The following KCNMB4 variants were observed in gnomAD, a reference collection of about 807,000 sequenced individuals.
KCNMB4 encodes calcium-activated potassium channel subunit beta-4.
A neutral mutation model predicts 20.7 loss-of-function variants in KCNMB4; 3 were observed. The observed-to-expected ratio is 0.14, with a 90% CI of 0.07 to 0.37. The LOEUF (loss-of-function observed/expected upper bound fraction) is 0.37, where lower values mean the gene tolerates loss of function less well. Ranked by LOEUF, KCNMB4 falls within the 10% of genes least tolerant of loss-of-function variation. The pLI, the probability that KCNMB4 is intolerant of heterozygous loss-of-function variation, is 1.00. For synonymous variants in KCNMB4, 110 were observed against 113.4 expected (o/e 0.97, Z 0.19); for missense variants, 168 against 265.9 (o/e 0.63, Z 2.56).
intron 2 of KCNMB4, among the ~76,000 whole-genome samples, chr12:70,426,594 GTAAA>G (rs1432927347): frequency 3.9e-5 from 6 of 152,122 alleles, no homozygotes; most frequent in African/African-American, 1.4e-4. Flanking sequence ...TGGCTTAAGG[GTAAA>G]TAAATAGTAC....
At chr12:70,383,420 C>T (rs1883830320) in intron 1 of KCNMB4, among the ~76,000 whole-genome samples, 1 of 152,188 alleles carries the variant, frequency 6.6e-6, no homozygotes, top group South Asian at 2.1e-4. Flanking sequence ...CTGGTGGCAA[C>T]ATGTTGCAGG....
chr12:70,406,606 G>T (rs1163676165), intron 2 of KCNMB4, among the ~76,000 whole-genome samples: 1 of 152,136 alleles, frequency 6.6e-6, no homozygotes, highest in African/African-American at 2.4e-5. Flanking sequence ...TCCTGCCCTG[G>T]ACTGGGAACT....
intron 2 of KCNMB4, among the ~76,000 whole-genome samples, chr12:70,407,527 G>GCA: frequency 7.2e-6 from 1 of 138,194 alleles, no homozygotes; most frequent in African/African-American, 2.8e-5. Context: ...GAGTGCAGTG[G>GCA]CTTGATCTCT....
At chr12:70,416,069 A>C (rs970566828) in intron 2 of KCNMB4, among the ~76,000 whole-genome samples, 15 of 152,220 alleles carry the variant, frequency 9.9e-5, no homozygotes, top group Admixed American at 9.8e-4. Flanking sequence ...TTTGACCATC[A>C]TGGCTGTTTC....
rs1565860854 is a variant in KCNMB4, at chr12:70,400,221, C to T, written c.349C>T (p.Pro117Ser). Residue 117 changes from proline (P) to serine (S), a missense_variant, in exon 2 of 3, where the codon CCT (proline) becomes TCT (serine). By Grantham distance (74) the Pro-to-Ser change is moderately conservative (BLOSUM62 -1). Transcript: ENST00000258111. ...TCTATTTTGTTAGTGCTCCTATATC[C>T]CTCCCTGTAAGAGAGAAAATCAGAA... The part of the protein sequence containing the change: ...LLTNPKCSYI[P>S]PCKRENQKNL... The T allele has an allele frequency of 6.2e-7, 1 of 1,606,874 alleles. No individual in the cohort carries two copies. The highest frequency in any genetic ancestry group is 1.3e-5 in the African/African-American group (1 of 74,660).
In KCNMB4 at chr12:70,430,711, C is replaced by A; in HGVS notation, c.*58C>A. 1 of 1,470,436 alleles carries A rather than the reference C, an allele frequency of 6.8e-7. No homozygotes were observed. The highest frequency in any genetic ancestry group is 9.0e-7 in the Non-Finnish European group (1 of 1,112,622). The allele number at this position is 1,470,436 out of a possible 1,614,324, so 91.1% of individuals were successfully genotyped here. ...GAAGCTGTACTCATCGGCACGCGTC[C>A]ACCTGCGGAACCTGTGTTTCCTGGC... On this transcript the variant is annotated 3_prime_UTR_variant, in exon 3 of 3. Transcript: ENST00000258111.
At chr12:70,421,504 A>C (rs747026084) in intron 2 of KCNMB4, among the ~76,000 whole-genome samples, 2 of 149,708 alleles carry the variant, frequency 1.3e-5, no homozygotes, top group Admixed American at 1.3e-4. Context: ...CTTTTCCCAT[A>C]CATACCCTCA....
At chr12:70,409,646 G>A (rs1593341405) in intron 2 of KCNMB4, among the ~76,000 whole-genome samples, 1 of 152,216 alleles carries the variant, frequency 6.6e-6, no homozygotes, top group South Asian at 2.1e-4. Flanking sequence ...AGCTGAGGAT[G>A]CTGCTATGAG....
intron 1 of KCNMB4, among the ~76,000 whole-genome samples, chr12:70,394,090 C>T (rs770285665): frequency 8.6e-5 from 13 of 152,022 alleles, no homozygotes; most frequent in Non-Finnish European, 2.9e-5. Flanking sequence ...CTGCTTGCTT[C>T]GGGGGAGGTG....
At chr12:70,387,474 C>T (rs1360254401) in intron 1 of KCNMB4, among the ~76,000 whole-genome samples, 2 of 145,880 alleles carry the variant, frequency 1.4e-5, no homozygotes, top group Non-Finnish European at 3.0e-5. Context: ...ACAGTCTTGG[C>T]TCACTGCAAC....
At chr12:70,412,224 T>C (rs1565864491) in intron 2 of KCNMB4, among the ~76,000 whole-genome samples, 2 of 152,216 alleles carry the variant, frequency 1.3e-5, no homozygotes, top group Non-Finnish European at 1.5e-5. Flanking sequence ...TGGGAAAGCC[T>C]TTGCTTTTCT....
chr12:70,376,721 A>AG lies in KCNMB4; in HGVS notation c.336+9651_336+9652insG, dbSNP rs1182683650. Among the ~76,000 whole-genome samples the AG allele has an allele frequency of 2.3e-3, 313 of 135,642 alleles. 3 individuals carry two copies. The highest frequency in any genetic ancestry group is 7.6e-3 in the African/African-American group (299 of 39,146). 89.0% of individuals were successfully genotyped at this position (135,642 alleles called of 152,430 possible). A position where few individuals can be genotyped will look rare whatever the true frequency, so the allele number is the denominator to read the frequency against. On this transcript the variant is annotated intron_variant, in intron 1 of 2. Transcript: ENST00000258111. The stretch of plus-strand genomic sequence containing the variant: ...ACCTCTACAAAAATTAAAAAAAAAC[A>AG]AAACGCCAGATGTCATGGCACGTGC...
intron 2 of KCNMB4, chr12:70,422,819 A>G: frequency 8.0e-7 from 1 of 1,251,168 alleles, no homozygotes; most frequent in Non-Finnish European, 1.0e-6. Flanking sequence ...GGGAAAACCG[A>G]CAGATGGATA....
chr12:70,412,214 T>C (rs1868798217), intron 2 of KCNMB4, among the ~76,000 whole-genome samples: 1 of 152,228 alleles, frequency 6.6e-6, no homozygotes, highest in Admixed American at 6.5e-5. Flanking sequence ...TGGAATGTTC[T>C]GGGAAAGCCT....
Position 70,386,239 on chromosome 12 carries a change from A to G in KCNMB4, c.337-13970A>G, listed in dbSNP as rs1447934520. Reference sequence around the variant, plus strand: ...AGTCTGAGGCATTGTGATAGTGGAGATCTTGTTTCAGAGATTACAATATAT... The same window carrying G: ...AGTCTGAGGCATTGTGATAGTGGAGGTCTTGTTTCAGAGATTACAATATAT... On this transcript the variant is annotated intron_variant, in intron 1 of 2. Transcript: ENST00000258111. Among the ~76,000 whole-genome samples the G allele has an allele frequency of 5.3e-5, 8 of 152,248 alleles. No homozygotes were observed. The East Asian group carries it at 1.5e-3, about 29-fold the overall frequency.
At chr12:70,389,241 C>T (rs1239913282) in intron 1 of KCNMB4, among the ~76,000 whole-genome samples, 2 of 152,144 alleles carry the variant, frequency 1.3e-5, no homozygotes, top group African/African-American at 2.4e-5. Context: ...AGAATCATCT[C>T]CCTTTTTTAT....
chr12:70,401,532 T>G (rs1292805985), intron 2 of KCNMB4, among the ~76,000 whole-genome samples: 2 of 152,194 alleles, frequency 1.3e-5, no homozygotes, highest in African/African-American at 4.8e-5. Flanking sequence ...TTACTCTGCA[T>G]AGTTTTCAGA....
At chr12:70,397,366 CA>C (rs1868363410) in intron 1 of KCNMB4, among the ~76,000 whole-genome samples, 2 of 152,086 alleles carry the variant, frequency 1.3e-5, no homozygotes. Flanking sequence ...AAATTCTTTC[CA>C]GGCAATGTTA....
At chr12:70,387,917 C>G (rs527419193) in intron 1 of KCNMB4, among the ~76,000 whole-genome samples, 1 of 152,018 alleles carries the variant, frequency 6.6e-6, no homozygotes, top group African/African-American at 2.4e-5. Context: ...AGGTCTTATT[C>G]ATTCTTTTTA....
Sources: gnomAD v4.1 joint callset for allele counts (sites outside exome capture counted in the v4.1 genomes callset) on GRCh38, gnomAD v4.1.1 for gene constraint, MANE v1.5 for transcripts, NCBI Gene and HGNC (gene_info 2026-07-23, HGNC 2026-07-21) for gene names.